The following TSNARE1 variants were observed in gnomAD, a reference collection of about 807,000 sequenced individuals.
The protein encoded by TSNARE1 is t-SNARE domain containing 1, also known as t-SNARE domain-containing protein 1.
TSNARE1 carries 49 observed loss-of-function variants against 62.0 expected under a neutral mutation model. The observed-to-expected ratio is 0.79, with a 90% CI of 0.63 to 1.00. TSNARE1 has a LOEUF of 1.00. Among genes scored for constraint, TSNARE1 ranks in the 50% least tolerant of loss-of-function variants. The pLI, the probability that TSNARE1 is intolerant of heterozygous loss-of-function variation, is 0.00. For missense variants in TSNARE1, 755 were observed against 700.1 expected (o/e 1.08, Z -0.88); for synonymous variants, 328 against 294.4 (o/e 1.11, Z -1.17).
rs113901943 is a variant in TSNARE1 at position 142,337,863 on chromosome 8, G to A, written c.746-6032C>T. Among the ~76,000 whole-genome samples the A allele has an allele frequency of 5.8e-3, 885 of 152,290 alleles. 12 individuals carry two copies. Among genetic ancestry groups the A allele is most frequent in the African/African-American group, 0.02 (838 of 41,564 alleles). On this transcript the variant is annotated intron_variant, in intron 4 of 13. Coordinates refer to ENST00000524325, the MANE Select transcript of TSNARE1 (RefSeq NM_145003.5). Reference sequence around the variant, plus strand: ...GCTGGAGCACAGGTTTGTTGGGTCCGGGAACCCTCAGAGGGACGGCCACCC... The same window carrying A: ...GCTGGAGCACAGGTTTGTTGGGTCCAGGAACCCTCAGAGGGACGGCCACCC...
intron 1 of TSNARE1, among the ~76,000 whole-genome samples, chr8:142,382,883 G>A (rs566702321): frequency 6.6e-5 from 10 of 152,314 alleles, no homozygotes; most frequent in East Asian, 1.9e-4. Flanking sequence ...CCCGGCCCTC[G>A]TCCAGGGTGG....
chr8:142,222,746 ACTC>A (rs1816438852), intron 13 of TSNARE1, among the ~76,000 whole-genome samples: 1 of 129,818 alleles, frequency 7.7e-6, no homozygotes, highest in Non-Finnish European at 1.6e-5. Context: ...TCACTCACTC[ACTC>A]ATCCACTCAC....
rs1175361607 is a variant in TSNARE1, at chr8:142,356,524, G to A, written c.-39-1761C>T. On this transcript the variant is annotated intron_variant, in intron 1 of 13. Transcript: ENST00000524325. Reference sequence around the variant, plus strand: ...GAGCAGAGAGCTCTGCACATGTGCCGGGGCCTCATCGGGAAAAGCTCAGAT... The same window carrying A: ...GAGCAGAGAGCTCTGCACATGTGCCAGGGCCTCATCGGGAAAAGCTCAGAT... 3.9e-5 allele frequency among the ~76,000 whole-genome samples: 6 copies of A among 152,332 alleles called. No individual in the cohort carries two copies. The South Asian group carries it at 6.2e-4, about 16-fold the overall frequency.
intron 9 of TSNARE1, among the ~76,000 whole-genome samples, chr8:142,305,359 G>C (rs891265664): frequency 6.6e-6 from 1 of 152,146 alleles, no homozygotes; most frequent in Admixed American, 6.5e-5. Flanking sequence ...GGTGGGAGGG[G>C]GGTGCAAACG....
At chr8:142,236,784 TC>T (rs1319054888) in intron 12 of TSNARE1, among the ~76,000 whole-genome samples, 1 of 152,138 alleles carries the variant, frequency 6.6e-6, no homozygotes, top group Non-Finnish European at 1.5e-5. Context: ...AATTAGTTAA[TC>T]GGTGCATATT....
chr8:142,295,822 C>A (rs1824582762), intron 10 of TSNARE1, among the ~76,000 whole-genome samples: 1 of 151,628 alleles, frequency 6.6e-6, no homozygotes, highest in Non-Finnish European at 1.5e-5. Context: ...GCACCTCCAA[C>A]CCCCTGCACT....
At chr8:142,290,994 G>C (rs1186134047) in intron 10 of TSNARE1, among the ~76,000 whole-genome samples, 1 of 152,194 alleles carries the variant, frequency 6.6e-6, no homozygotes, top group African/African-American at 2.4e-5. Flanking sequence ...CTCTGGACCA[G>C]TGCCCCGGTG....
intron 1 of TSNARE1, chr8:142,365,908 T>C (rs1835516160): frequency 2.2e-6 from 1 of 453,292 alleles, no homozygotes. Context: ...TGAAGAGACC[T>C]ACCATGTTCA....
At chr8:142,222,375 CTCACTCACTCAG>C (rs1816361175) in intron 13 of TSNARE1, among the ~76,000 whole-genome samples, 1 of 104,098 alleles carries the variant, frequency 9.6e-6, no homozygotes, top group Non-Finnish European at 2.1e-5. Flanking sequence ...CACTAATTCA[CTCACTCACTCAG>C]TCATCCACTC....
chr8:142,245,178 G>T (rs1292040832), intron 12 of TSNARE1, among the ~76,000 whole-genome samples: 1 of 152,136 alleles, frequency 6.6e-6, no homozygotes, highest in Admixed American at 6.5e-5. Flanking sequence ...TGACAATATC[G>T]AATACAAGAT....
chr8:142,294,269 A>T (rs1824303334), intron 10 of TSNARE1, among the ~76,000 whole-genome samples: 2 of 152,096 alleles, frequency 1.3e-5, no homozygotes, highest in South Asian at 4.1e-4. Context: ...GTTTGCAGGG[A>T]CGAGGCAGGG....
chr8:142,280,971 G>A (rs957728175), intron 11 of TSNARE1, among the ~76,000 whole-genome samples: 3 of 152,162 alleles, frequency 2.0e-5, no homozygotes, highest in Non-Finnish European at 2.9e-5. Flanking sequence ...CCCCGCCCCA[G>A]GGAGCAGCAG....
chr8:142,406,073 C>T (rs980645083), upstream of TSNARE1: 1 of 152,292 alleles, frequency 6.6e-6, no homozygotes, highest in Non-Finnish European at 1.5e-5. Flanking sequence ...TGTGGCCACC[C>T]ACCTCACTGA....
chr8:142,376,978 G>A (rs534234185), intron 1 of TSNARE1, among the ~76,000 whole-genome samples: 1 of 152,354 alleles, frequency 6.6e-6, no homozygotes, highest in South Asian at 2.1e-4. Flanking sequence ...AGGAAGCAGA[G>A]GGCAGCTACT....
At chr8:142,387,332 T>A (rs1297017360) in intron 1 of TSNARE1, among the ~76,000 whole-genome samples, 5 of 151,834 alleles carry the variant, frequency 3.3e-5, no homozygotes, top group Non-Finnish European at 5.9e-5. Context: ...AAAAGAATAA[T>A]AAAAAATGAA....
chr8:142,305,533 C>A (rs1418491129), intron 9 of TSNARE1, among the ~76,000 whole-genome samples: 1 of 152,138 alleles, frequency 6.6e-6, no homozygotes, highest in East Asian at 1.9e-4. Flanking sequence ...GTCTCCCTCA[C>A]CTCCACAGCG....
chr8:142,271,404 G>T, intron 12 of TSNARE1: 2 of 1,242,126 alleles, frequency 1.6e-6, no homozygotes, highest in Non-Finnish European at 2.0e-6. Flanking sequence ...TGCTGCCGGT[G>T]GGAGTCCAGC....
At chr8:142,301,018 A>G (rs1825659842) in intron 9 of TSNARE1, among the ~76,000 whole-genome samples, 1 of 82,178 alleles carries the variant, frequency 1.2e-5, no homozygotes, top group South Asian at 4.1e-4. Flanking sequence ...TACCGAACTG[A>G]AAACGCGACA....
chr8:142,279,833 G>A (rs886737784), intron 11 of TSNARE1: 4 of 1,013,932 alleles, frequency 3.9e-6, no homozygotes, highest in African/African-American at 3.5e-5. Flanking sequence ...GGTCCGGGGG[G>A]GCGGGCTGTG....
Sources: gnomAD v4.1 joint callset for allele counts (sites outside exome capture counted in the v4.1 genomes callset) on GRCh38, gnomAD v4.1.1 for gene constraint, MANE v1.5 for transcripts, NCBI Gene and HGNC (gene_info 2026-07-23, HGNC 2026-07-21) for gene names.